Variants in ERBIN observed in about 807,000 individuals in gnomAD.
The protein encoded by ERBIN is densin-180-like protein.
A neutral mutation model predicts 158.4 loss-of-function variants in ERBIN; 60 were observed. The observed-to-expected ratio is 0.38, with a 90% CI of 0.31 to 0.47. The LOEUF is 0.47. Ranked by LOEUF, ERBIN falls within the 20% of genes least tolerant of loss-of-function variation. The pLI is 0.99. For missense variants in ERBIN, 1,610 were observed against 1,648.0 expected (o/e 0.98, Z 0.40); for synonymous variants, 594 against 557.2 (o/e 1.07, Z -0.93).
rs377718225 is a variant in ERBIN, at chr5:66,024,356, T to C, written c.723T>C (p.Asn241=). The stretch of plus-strand genomic sequence containing the variant: ...CATATTTGGATGTTTCTAAAAATAA[T>C]ATTGAAATGGTTGAAGAAGGAATTT... The part of the protein sequence containing the change: ...QLTYLDVSKN[N]IEMVEEGIST... The change falls in exon 10 of 26, where the codon AAT becomes AAC. Residue 241 remains asparagine (N), a synonymous_variant. Transcript: ENST00000284037. The C allele has an allele frequency of 3.1e-6, 5 of 1,590,154 alleles. No homozygotes were observed. In the African/African-American group the frequency reaches 6.8e-5, roughly 21 times the overall value.
At chr5:65,932,462 G>T (rs1743561013) in intron 1 of ERBIN, among the ~76,000 whole-genome samples, 1 of 152,002 alleles carries the variant, frequency 6.6e-6, no homozygotes, top group Non-Finnish European at 1.5e-5. Context: ...CAACATCAGT[G>T]TAAAATGTAA....
At chr5:65,968,485 C>G (rs1044795037) in intron 1 of ERBIN, among the ~76,000 whole-genome samples, 1 of 152,174 alleles carries the variant, frequency 6.6e-6, no homozygotes, top group Non-Finnish European at 1.5e-5. Flanking sequence ...AAACTAGTTA[C>G]AAGACCTACA....
In ERBIN at chr5:65,956,047, A is replaced by C. The variant is rs115949609; in HGVS notation, c.-58+29241A>C. Among the ~76,000 whole-genome samples the C allele has an allele frequency of 6.1e-3, 927 of 152,306 alleles. 12 individuals are homozygous for C. The highest frequency in any genetic ancestry group is 0.021 in the African/African-American group (888 of 41,564). ...AGAGTTCGACACTATCTGTGGTTTCAGGTATATTCTGAGGGATCTGGAAAT... is the reference window on the plus strand; with the variant it reads ...AGAGTTCGACACTATCTGTGGTTTCCGGTATATTCTGAGGGATCTGGAAAT... On this transcript the variant is annotated intron_variant, in intron 1 of 25. Coordinates refer to ENST00000284037, the MANE Select transcript of ERBIN (RefSeq NM_001253697.2).
chr5:66,064,843 T>C (rs1372480215), intron 21 of ERBIN, among the ~76,000 whole-genome samples: 1 of 152,192 alleles, frequency 6.6e-6, no homozygotes, highest in Non-Finnish European at 1.5e-5. Context: ...ATTTGAGATA[T>C]TTGGTCATTA....
At chr5:65,972,943 C>T (rs1464050245) in intron 1 of ERBIN, among the ~76,000 whole-genome samples, 2 of 151,310 alleles carry the variant, frequency 1.3e-5, no homozygotes, top group African/African-American at 2.5e-5. Context: ...CCAATTCCTA[C>T]GTTTTTTTCG....
intron 7 of ERBIN, among the ~76,000 whole-genome samples, chr5:66,018,567 TTATATTATATAATA>T (rs1303379104): frequency 2.0e-4 from 2 of 9,898 alleles, no homozygotes; most frequent in African/African-American, 4.4e-4. Flanking sequence ...ATAATATATA[TTATATTATATAATA>T]TATATTATAT....
intron 5 of ERBIN, 148 bp downstream of exon 5, chr5:66,012,275 A>G (rs1754286837): frequency 1.8e-6 from 1 of 546,372 alleles, no homozygotes; most frequent in Non-Finnish European, 3.2e-6. Flanking sequence ...GTAATCTTTT[A>G]AATAATCATT....
intron 15 of ERBIN, among the ~76,000 whole-genome samples, chr5:66,042,338 A>G (rs1757992656): frequency 1.3e-5 from 2 of 152,136 alleles, no homozygotes; most frequent in African/African-American, 4.8e-5. Flanking sequence ...AATAATAACA[A>G]AAAACTGACA....
intron 1 of ERBIN, among the ~76,000 whole-genome samples, chr5:65,939,386 G>A (rs1359520980): frequency 1.3e-5 from 2 of 152,046 alleles, no homozygotes; most frequent in Admixed American, 1.3e-4. Flanking sequence ...GCAGTGAGCC[G>A]AGGTTGCGCC....
At chr5:66,036,085 G>T (rs1757367782) in intron 14 of ERBIN, among the ~76,000 whole-genome samples, 1 of 152,144 alleles carries the variant, frequency 6.6e-6, no homozygotes, top group Non-Finnish European at 1.5e-5. Flanking sequence ...GACAGAACAA[G>T]ATTCTCTTAA....
intron 7 of ERBIN, among the ~76,000 whole-genome samples, chr5:66,021,098 A>C (rs1188138814): frequency 2.0e-5 from 3 of 152,020 alleles, no homozygotes; most frequent in Non-Finnish European, 4.4e-5. Flanking sequence ...TTAAAAATAG[A>C]AATGAAAAGA....
Position 66,054,465 on chromosome 5 carries a change from C to A in ERBIN, c.3147C>A (p.Gly1049=), listed in dbSNP as rs995758854. 2 of 1,614,150 alleles carry A rather than the reference C, an allele frequency of 1.2e-6. No homozygotes were observed. The highest frequency in any genetic ancestry group is 2.7e-5 in the African/African-American group (2 of 75,030). The change falls in exon 21 of 26, where the codon GGC becomes GGA. Residue 1049 remains glycine (G), a synonymous_variant. Coordinates refer to ENST00000284037, the MANE Select transcript of ERBIN (RefSeq NM_001253697.2). ...CATACCATTTACATCAGAGACTTGGCCCAGCAAGACATGGGGAAATGTGGG... is the reference window on the plus strand; with the variant it reads ...CATACCATTTACATCAGAGACTTGGACCAGCAAGACATGGGGAAATGTGGG... ...NTAYHLHQRL[G]PARHGEMWAI... is the part of the protein sequence containing the mutation.
rs758622701 is a variant in ERBIN at position 66,050,924 on chromosome 5, C to A, written c.2045C>A (p.Ser682Tyr). 11 of 1,605,644 alleles carry A rather than the reference C, an allele frequency of 6.9e-6. No individual in the cohort carries two copies. Among genetic ancestry groups the A allele is most frequent in the Non-Finnish European group, 9.3e-6 (11 of 1,177,844 alleles). ...TDSSQDTSLC[S>Y]PVKQTHIDIN... ...AGTAGTCAAGACACCTCACTCTGCT[C>A]TCCAGTGAAACAAACTCATATTGAT... Residue 682 changes from serine (S) to tyrosine (Y), a missense_variant, in exon 20 of 26, where the codon TCT becomes TAT. Transcript: ENST00000284037.
chr5:66,038,602 A>G (rs980196529), intron 15 of ERBIN, 120 bp downstream of exon 15: 1 of 653,766 alleles, frequency 1.5e-6, no homozygotes, highest in Non-Finnish European at 2.5e-6. Flanking sequence ...ATTGACCAAA[A>G]CAGTTTGTTT....
chr5:66,037,331 G>A (rs896962234), intron 14 of ERBIN, among the ~76,000 whole-genome samples: 1 of 152,026 alleles, frequency 6.6e-6, no homozygotes, highest in Admixed American at 6.6e-5. Context: ...AAAGGAAAAG[G>A]AATTTAAATC....
chr5:66,004,034 C>T (rs1017795673), intron 4 of ERBIN, among the ~76,000 whole-genome samples: 1 of 146,396 alleles, frequency 6.8e-6, no homozygotes, highest in African/African-American at 2.5e-5. Context: ...AACTCTTGGA[C>T]TCAAGGGAGG....
At chr5:65,971,915 C>T (rs1306795406) in intron 1 of ERBIN, among the ~76,000 whole-genome samples, 2 of 152,194 alleles carry the variant, frequency 1.3e-5, no homozygotes, top group Non-Finnish European at 2.9e-5. Flanking sequence ...TAGAGGGCCA[C>T]CCCTTTCAAA....
chr5:65,944,877 G>T (rs529520846), intron 1 of ERBIN, among the ~76,000 whole-genome samples: 3 of 151,968 alleles, frequency 2.0e-5, no homozygotes, highest in Non-Finnish European at 2.9e-5. Context: ...ATCCCAGTCT[G>T]TTACTAGATA....
intron 21 of ERBIN, among the ~76,000 whole-genome samples, chr5:66,061,226 C>T (rs1365767106): frequency 4.6e-5 from 7 of 152,108 alleles, no homozygotes; most frequent in African/African-American, 1.2e-4. Context: ...AATCTGGGTG[C>T]TCCTGTATTG....
Sources: allele counts gnomAD v4.1 joint callset (sites outside exome capture counted in the v4.1 genomes callset), GRCh38; gene constraint gnomAD v4.1.1; transcripts MANE v1.5; gene names NCBI Gene and HGNC (gene_info 2026-07-23, HGNC 2026-07-21).